SAMD5: variants seen among roughly 807,000 people sequenced by gnomAD.
SAMD5 encodes the protein sterile alpha motif domain-containing protein 5.
Under a neutral mutation model 11.3 loss-of-function variants are expected in SAMD5, and 13 were observed. The observed-to-expected ratio is 1.15, with a 90% confidence interval of 0.75 to 1.83. The LOEUF (loss-of-function observed/expected upper bound fraction) is 1.83. Among genes scored for constraint, SAMD5 ranks in the 40% most tolerant of loss-of-function variants. SAMD5 has a pLI of 0.00. For missense variants in SAMD5, 255 were observed against 239.1 expected (o/e 1.07, Z -0.44); for synonymous variants, 129 against 111.3 (o/e 1.16, Z -1.00).
At chr6:147,691,645 G>A (rs1791105042) in intron 1 of SAMD5, among the ~76,000 whole-genome samples, 1 of 152,152 alleles carries the variant, frequency 6.6e-6, no homozygotes, top group Non-Finnish European at 1.5e-5. Flanking sequence ...TCGTCTGTAA[G>A]CTTAGGCAGA....
chr6:147,725,508 C>T (rs1362011208), intron 1 of SAMD5, among the ~76,000 whole-genome samples: 3 of 151,818 alleles, frequency 2.0e-5, no homozygotes, highest in Admixed American at 6.6e-5. Context: ...TCTGCCTCAG[C>T]CTCCCAAGTA....
rs549253852 is a variant in SAMD5 at position 147,621,335 on chromosome 6, C to T, written c.162+111948C>T. ...GCCGGAGGTGTTTTGGAAAGATAGTCAATGGAGCTTGACTTCTGATTGGAG... is the reference window on the plus strand; with the variant it reads ...GCCGGAGGTGTTTTGGAAAGATAGTTAATGGAGCTTGACTTCTGATTGGAG... On this transcript the variant is annotated intron_variant, in intron 1 of 1. Transcript: ENST00000566741. Among the ~76,000 whole-genome samples the T allele has an allele frequency of 7.2e-5, 11 of 152,250 alleles. No homozygotes were observed. The East Asian group carries it at 2.1e-3, about 29-fold the overall frequency.
At chr6:147,717,668 C>G (rs187083819) in intron 1 of SAMD5, among the ~76,000 whole-genome samples, 1 of 152,058 alleles carries the variant, frequency 6.6e-6, no homozygotes, top group African/African-American at 2.4e-5. Flanking sequence ...GCCAACATGG[C>G]GAAACCCTGT....
intron 1 of SAMD5, among the ~76,000 whole-genome samples, chr6:147,715,021 T>G (rs1445824825): frequency 1.3e-5 from 2 of 152,232 alleles, no homozygotes; most frequent in Admixed American, 6.5e-5. Context: ...AAACTGTAAA[T>G]GATGGTTATC....
chr6:147,715,009 T>C (rs1583150410), intron 1 of SAMD5, among the ~76,000 whole-genome samples: 1 of 152,242 alleles, frequency 6.6e-6, no homozygotes, highest in East Asian at 1.9e-4. Context: ...CATATATACA[T>C]GAAACTGTAA....
chr6:147,863,082 T>C, the SAMD5 span, among the ~76,000 whole-genome samples: 1 of 152,158 alleles, frequency 6.6e-6, no homozygotes, highest in Non-Finnish European at 1.5e-5. Context: ...CCTTACAAAT[T>C]GATCTTATTT....
chr6:147,661,441 C>G (rs1166171709), intron 1 of SAMD5, among the ~76,000 whole-genome samples: 1 of 152,098 alleles, frequency 6.6e-6, no homozygotes, highest in Non-Finnish European at 1.5e-5. Flanking sequence ...TCATTAATAT[C>G]TTTGAAGTGT....
At chr6:147,843,662 T>C in the SAMD5 span, among the ~76,000 whole-genome samples, 2 of 152,068 alleles carry the variant, frequency 1.3e-5, no homozygotes, top group African/African-American at 4.8e-5. Context: ...ACCAATGAAA[T>C]AGGATAAAGA....
At chr6:147,704,607 G>A (rs959526809) in intron 1 of SAMD5, among the ~76,000 whole-genome samples, 3 of 152,148 alleles carry the variant, frequency 2.0e-5, no homozygotes, top group Non-Finnish European at 4.4e-5. Context: ...GGAAAGATTG[G>A]AAGAAGAATA....
chr6:147,729,892 C>G (rs1267323803), intron 1 of SAMD5: 6 of 450,858 alleles, frequency 1.3e-5, no homozygotes, highest in African/African-American at 2.0e-5. Flanking sequence ...CAAGACCCAC[C>G]TGGCCAACAT....
intron 1 of SAMD5, among the ~76,000 whole-genome samples, chr6:147,644,759 A>T (rs1340755110): frequency 6.6e-6 from 1 of 152,218 alleles, no homozygotes; most frequent in African/African-American, 2.4e-5. Flanking sequence ...AACTTTCCCC[A>T]GTATTCTGCC....
intron 1 of SAMD5, among the ~76,000 whole-genome samples, chr6:147,704,923 C>T (rs1292649308): frequency 6.6e-6 from 1 of 152,154 alleles, no homozygotes; most frequent in Non-Finnish European, 1.5e-5. Context: ...TTGTCATCCC[C>T]AGGGGGCATC....
At chr6:147,792,300 C>T in the SAMD5 span, among the ~76,000 whole-genome samples, 1 of 152,020 alleles carries the variant, frequency 6.6e-6, no homozygotes, top group Non-Finnish European at 1.5e-5. Flanking sequence ...TAATAATGTA[C>T]TAAAATTGAA....
At chr6:147,810,975 A>C in the SAMD5 span, among the ~76,000 whole-genome samples, 1 of 152,222 alleles carries the variant, frequency 6.6e-6, no homozygotes, top group Non-Finnish European at 1.5e-5. Context: ...GAACATGTTA[A>C]GTGCCATAGA....
At chr6:147,800,406 T>G in the SAMD5 span, among the ~76,000 whole-genome samples, 1 of 152,152 alleles carries the variant, frequency 6.6e-6, no homozygotes, top group African/African-American at 2.4e-5. Context: ...GGGACCCACT[T>G]GAGGAGGCAG....
the SAMD5 span, among the ~76,000 whole-genome samples, chr6:147,907,460 G>T: frequency 6.6e-6 from 1 of 151,822 alleles, no homozygotes; most frequent in Non-Finnish European, 1.5e-5. Context: ...TTATTTTAAT[G>T]GCAAAGATGC....
At chr6:147,839,950 A>C in the SAMD5 span, among the ~76,000 whole-genome samples, 4 of 152,216 alleles carry the variant, frequency 2.6e-5, no homozygotes, top group African/African-American at 9.6e-5. Context: ...AGAAATATTC[A>C]TAATGTGTCT....
chr6:147,546,486 C>T (rs865815481), intron 1 of SAMD5, among the ~76,000 whole-genome samples: 9 of 148,804 alleles, frequency 6.0e-5, no homozygotes, highest in East Asian at 4.0e-4. Flanking sequence ...GCCAGGGTCG[C>T]GCCACTGCAC....
At chr6:147,620,189 T>C (rs549362500) in intron 1 of SAMD5, among the ~76,000 whole-genome samples, 13 of 152,218 alleles carry the variant, frequency 8.5e-5, no homozygotes, top group Admixed American at 2.0e-4. Context: ...TCTTCCTCCA[T>C]CCACCACCCA....
Sources: gnomAD v4.1 joint callset for allele counts (sites outside exome capture counted in the v4.1 genomes callset) on GRCh38, gnomAD v4.1.1 for gene constraint, MANE v1.5 for transcripts, NCBI Gene and HGNC (gene_info 2026-07-23, HGNC 2026-07-21) for gene names.